The following CFAP54 variants were observed in gnomAD, a reference collection of about 807,000 sequenced individuals.
CFAP54 encodes cilia and flagella associated protein 54.
In CFAP54, 290 loss-of-function variants were observed where a neutral mutation model predicts 370.4. The observed-to-expected ratio is 0.78, with a 90% CI of 0.71 to 0.86. The LOEUF (loss-of-function observed/expected upper bound fraction) is 0.86, where lower values mean the gene tolerates loss of function less well. CFAP54 is among the 40% of genes least tolerant of loss of function. The pLI is 0.00. For missense variants in CFAP54, 3,399 were observed against 3,528.7 expected (o/e 0.96, Z 0.93); for synonymous variants, 1,206 against 1,236.5 (o/e 0.98, Z 0.52).
chr12:96,768,217 AG>A (rs1958419361), intron 60 of CFAP54, among the ~76,000 whole-genome samples: 1 of 152,188 alleles, frequency 6.6e-6, no homozygotes, highest in Non-Finnish European at 1.5e-5. Flanking sequence ...ACTACTCAGA[AG>A]GGTGAGACAG....
At chr12:96,604,888 T>G (rs530675151) in intron 26 of CFAP54, among the ~76,000 whole-genome samples, 32 of 152,370 alleles carry the variant, frequency 2.1e-4, no homozygotes, top group Admixed American at 9.1e-4. Context: ...CACTCATGGC[T>G]TCCCTTTTCT....
At chr12:96,760,819 C>T (rs11108681) in intron 58 of CFAP54, among the ~76,000 whole-genome samples, 55,346 of 152,002 alleles carry the variant, frequency 0.36, 10,826 homozygotes, top group East Asian at 0.58. Flanking sequence ...TTAATAGTGT[C>T]TCATTATATG....
intron 43 of CFAP54, among the ~76,000 whole-genome samples, chr12:96,689,196 T>C (rs1957362261): frequency 6.6e-6 from 1 of 152,116 alleles, no homozygotes; most frequent in African/African-American, 2.4e-5. Context: ...AGTCTCACTC[T>C]GTCAGCCAGG....
chr12:96,552,051 A>T (rs907594076), intron 15 of CFAP54, among the ~76,000 whole-genome samples: 2 of 152,046 alleles, frequency 1.3e-5, no homozygotes, highest in African/African-American at 4.8e-5. Flanking sequence ...GTTCGAGACA[A>T]GCCTGACCAA....
chr12:96,690,379 G>T (rs559943089), intron 43 of CFAP54, among the ~76,000 whole-genome samples: 1 of 152,090 alleles, frequency 6.6e-6, no homozygotes. Context: ...TGATGCATTT[G>T]TCATTAAGAA....
intron 58 of CFAP54, among the ~76,000 whole-genome samples, chr12:96,758,735 A>T (rs1396540607): frequency 1.3e-5 from 2 of 152,218 alleles, no homozygotes; most frequent in Non-Finnish European, 2.9e-5. Flanking sequence ...GAGGGGTCGC[A>T]TCTTGTAGCT....
At chr12:96,825,465 A>G (rs111905218) in intron 65 of CFAP54, among the ~76,000 whole-genome samples, 2 of 117,054 alleles carry the variant, frequency 1.7e-5, no homozygotes, top group South Asian at 2.4e-4. Flanking sequence ...ATAATATAAT[A>G]TATTATATAT....
At chr12:96,655,539 A>T (rs1358821446) in intron 36 of CFAP54, among the ~76,000 whole-genome samples, 1 of 152,202 alleles carries the variant, frequency 6.6e-6, no homozygotes, top group African/African-American at 2.4e-5. Flanking sequence ...AACTGGAATC[A>T]GTTAGAATAC....
Position 96,743,510 on chromosome 12 carries a change from T to C in CFAP54, c.7328T>C (p.Leu2443Pro). 1 of 1,614,110 alleles carries C rather than the reference T, an allele frequency of 6.2e-7. No individual in the cohort carries two copies. Among genetic ancestry groups the C allele is most frequent in the East Asian group, 2.2e-5 (1 of 44,876 alleles). Reference sequence around the variant, plus strand: ...GAATTCTTGACGCAAGCTGTAATTCTTGGCCTACAAGAAAAGCATTTAAAG... The same window carrying C: ...GAATTCTTGACGCAAGCTGTAATTCCTGGCCTACAAGAAAAGCATTTAAAG... ...QAEFLTQAVI[L>P]GLQEKHLKAD... Residue 2443 changes from leucine to proline, a missense_variant, in exon 53 of 68, where the codon CTT becomes CCT. Physicochemically the swap from Leu to Pro is moderately conservative, Grantham distance 98. This residue lies in a region of CFAP54 where 2,796 missense variants were observed against 2,869.7 expected (regional missense o/e 0.97). Transcript: ENST00000524981.
rs557686958 is a variant in CFAP54, at chr12:96,494,307, AT to A, written c.317+4394del. 9.0e-4 allele frequency among the ~76,000 whole-genome samples: 131 copies of A among 145,802 alleles called. No individual in the cohort carries two copies. The South Asian group carries it at 0.01, about 11-fold the overall frequency. On this transcript the variant is annotated intron_variant, in intron 1 of 67. Coordinates refer to ENST00000524981, the MANE Select transcript of CFAP54 (RefSeq NM_001306084.2). ...TTTGGCAAAGGATTACCCTTATGTA[AT>A]TTTTTTTTTTTTGAGACAGTCTCAC...
rs1003842721 is a variant in CFAP54, at chr12:96,708,918, A to G, written c.6724+115A>G. 25 of 793,036 alleles carry G rather than the reference A, an allele frequency of 3.2e-5. No homozygotes were observed. In the East Asian group the frequency reaches 3.6e-4, roughly 11 times the overall value. The allele number at this position is 793,036 out of a possible 1,614,324, so 49.1% of individuals were successfully genotyped here. The stretch of plus-strand genomic sequence containing the variant: ...TATATATTCTTCCACAGTTTTCTCT[A>G]TGCTTATATAATGACACACATATGT... On this transcript the variant is annotated intron_variant, in intron 48 of 67. Transcript: ENST00000524981.
At chr12:96,821,942 A>C (rs929978108) in intron 65 of CFAP54, among the ~76,000 whole-genome samples, 1 of 152,162 alleles carries the variant, frequency 6.6e-6, no homozygotes, top group African/African-American at 2.4e-5. Context: ...GGTGCAGAAA[A>C]TGTGTCTTTG....
chr12:96,745,789 TTG>T (rs1277607637), intron 55 of CFAP54, among the ~76,000 whole-genome samples: 1 of 152,244 alleles, frequency 6.6e-6, no homozygotes, highest in East Asian at 1.9e-4. Context: ...AGAAATAAAC[TTG>T]TGTCTTACAA....
In CFAP54 at chr12:96,860,893, A is replaced by G; in HGVS notation, c.9246A>G (p.Leu3082=). 6.5e-7 allele frequency: 1 copy of G among 1,535,174 alleles called. No homozygotes were observed. Among genetic ancestry groups the G allele is most frequent in the Non-Finnish European group, 8.7e-7 (1 of 1,146,298 alleles). ...RLFDLANGCI[L]SGGSLFNWIV... is the part of the protein sequence containing the mutation. Reference sequence around the variant, plus strand: ...TTGATCTGGCTAATGGTTGCATTTTATCAGGAGGAAGCCTTTTCAACTGGA... The same window carrying G: ...TTGATCTGGCTAATGGTTGCATTTTGTCAGGAGGAAGCCTTTTCAACTGGA... The change falls in exon 67 of 68, where the codon TTA becomes TTG. Residue 3082 remains leucine (L), a synonymous_variant. Coordinates refer to ENST00000524981, the MANE Select transcript of CFAP54 (RefSeq NM_001306084.2).
At chr12:96,644,109 G>T (rs1956763892) in intron 32 of CFAP54, 69 bp from the exon 33 acceptor site, 3 of 1,051,952 alleles carry the variant, frequency 2.9e-6, no homozygotes, top group Non-Finnish European at 4.1e-6. Context: ...TTCCAAATTG[G>T]AATGATTCTT....
intron 26 of CFAP54, among the ~76,000 whole-genome samples, chr12:96,600,711 C>A (rs1270788584): frequency 6.6e-6 from 1 of 152,008 alleles, no homozygotes; most frequent in Admixed American, 6.6e-5. Flanking sequence ...ATTTTATTCT[C>A]TTTGTAGCAT....
At chr12:96,548,805 C>T (rs979525900) in intron 15 of CFAP54, among the ~76,000 whole-genome samples, 1 of 152,032 alleles carries the variant, frequency 6.6e-6, no homozygotes, top group Non-Finnish European at 1.5e-5. Context: ...TCACTCCAGA[C>T]ATATGCAATC....
intron 11 of CFAP54, among the ~76,000 whole-genome samples, chr12:96,534,440 A>G (rs568968749): frequency 2.6e-5 from 4 of 152,264 alleles, no homozygotes; most frequent in African/African-American, 9.6e-5. Context: ...GCGCTAGATG[A>G]TGTAGTTCCT....
At chr12:96,603,663 C>CT (rs1956268586) in intron 26 of CFAP54, among the ~76,000 whole-genome samples, 1 of 152,162 alleles carries the variant, frequency 6.6e-6, no homozygotes, top group African/African-American at 2.4e-5. Flanking sequence ...TCTTTTTACT[C>CT]TTTTTTCTCT....
Sources: allele counts gnomAD v4.1 joint callset (sites outside exome capture counted in the v4.1 genomes callset), GRCh38; gene constraint gnomAD v4.1.1; regional missense constraint gnomAD v4.1.1; transcripts MANE v1.5; gene names NCBI Gene and HGNC (gene_info 2026-07-23, HGNC 2026-07-21).